The following SLC4A1 variants were observed in gnomAD, a reference collection of about 807,000 sequenced individuals.
The protein encoded by SLC4A1 is solute carrier family 4 member 1 (Diego blood group).
SLC4A1 carries 29 observed loss-of-function variants against 93.1 expected under a neutral mutation model. The ratio of observed to expected loss-of-function variants is 0.31; its 90% CI spans 0.23 to 0.42. The LOEUF is 0.42. SLC4A1 is among the 20% of genes least tolerant of loss of function. The pLI, the probability that SLC4A1 is intolerant of heterozygous loss-of-function variation, is 1.00. For missense variants in SLC4A1, 965 were observed against 1,190.1 expected (o/e 0.81, Z 2.78); for synonymous variants, 469 against 497.2 (o/e 0.94, Z 0.76).
At chr17:44,251,631 C>G in intron 17 of SLC4A1, 43 bp from the exon 18 acceptor site, 1 of 1,607,742 alleles carries the variant, frequency 6.2e-7, no homozygotes, top group Non-Finnish European at 8.5e-7. Context: ...TGCCCGAGGC[C>G]TGGCACCAGT....
chr17:44,262,452 C>T (rs1195620031), intron 3 of SLC4A1, among the ~76,000 whole-genome samples, 184 bp downstream of exon 3: 2 of 152,258 alleles, frequency 1.3e-5, no homozygotes, highest in African/African-American at 2.4e-5. Context: ...CCTGCTCTCC[C>T]AGCCACCTCC....
intron 4 of SLC4A1, 91 bp downstream of exon 4, chr17:44,261,484 C>T: frequency 6.2e-7 from 1 of 1,606,786 alleles, no homozygotes; most frequent in Non-Finnish European, 8.5e-7. Context: ...CAGCCTGAAG[C>T]TGCCTCTATC....
At chr17:44,261,939 G>C in intron 3 of SLC4A1, 2 of 1,157,938 alleles carry the variant, frequency 1.7e-6, no homozygotes, top group Non-Finnish European at 2.2e-6. Flanking sequence ...GGTGACGGCA[G>C]AGCCCTGAGT....
In SLC4A1 at chr17:44,248,858, T is replaced by TG. The variant is rs2047315754; in HGVS notation, c.*1599_*1600insC. ...GCTGATGTTTCCTTCCGTTTTTTTT[T>TG]TTTTTTTTTTTTTTTTTTTGAGACA... On this transcript the variant is annotated 3_prime_UTR_variant, in exon 20 of 20. Transcript: ENST00000262418. The TG allele has an allele frequency of 7.4e-6, 1 of 135,232 alleles. No individual in the cohort carries two copies. The highest frequency in any genetic ancestry group is 2.9e-5 in the African/African-American group (1 of 34,208). 8.4% of individuals were successfully genotyped at this position (135,232 alleles called of 1,614,324 possible).
At chr17:44,254,982 G>A (rs2047375863) in intron 15 of SLC4A1, among the ~76,000 whole-genome samples, 1 of 152,170 alleles carries the variant, frequency 6.6e-6, no homozygotes, top group Non-Finnish European at 1.5e-5. Context: ...ACTGCTCTGG[G>A]TTAAGGAATG....
At chr17:44,251,048 C>T (rs1444114410) in intron 19 of SLC4A1, 111 bp downstream of exon 19, 18 of 1,232,720 alleles carry the variant, frequency 1.5e-5, no homozygotes, top group Admixed American at 4.0e-5. Context: ...AACCTGGACA[C>T]CAGCCCTAGC....
chr17:44,258,066 A>C lies in SLC4A1; in HGVS notation c.1202T>G (p.Phe401Cys), dbSNP rs141751197. The C allele has an allele frequency of 1.2e-6, 2 of 1,614,032 alleles. No homozygotes were observed. The highest frequency in any genetic ancestry group is 8.5e-7 in the Non-Finnish European group (1 of 1,180,014). Reference sequence around the variant, plus strand: ...GACGGCAGCCAGGACCTGGGGGCTGAATGCATCTGTGATGTCACTCAGGTA... The same window carrying C: ...GACGGCAGCCAGGACCTGGGGGCTGCATGCATCTGTGATGTCACTCAGGTA... ...PYYLSDITDA[F>C]SPQVLAAVIF... Residue 401 changes from phenylalanine (F) to cysteine (C), a missense_variant, in exon 11 of 20, where the codon TTC becomes TGC. Transcript: ENST00000262418. The surrounding 1 kb of genome is among the most constrained non-coding windows in gnomAD (Gnocchi z 6.1).
At chr17:44,259,140 A>C (rs1233636098) in intron 9 of SLC4A1, 23 bp downstream of exon 9, 3 of 1,613,068 alleles carry the variant, frequency 1.9e-6, no homozygotes, top group Non-Finnish European at 2.5e-6. Flanking sequence ...TCCCCAGCCC[A>C]GCCCTCTCCG....
intron 9 of SLC4A1, among the ~76,000 whole-genome samples, 161 bp downstream of exon 9, chr17:44,259,002 C>T (rs1324913424): frequency 1.3e-5 from 2 of 152,182 alleles, no homozygotes; most frequent in South Asian, 2.1e-4. Context: ...CCAGACTGCA[C>T]GCCCCGACTG....
At chr17:44,261,752 C>T (rs1164840920) in intron 3 of SLC4A1, 116 bp from the exon 4 acceptor site, 1 of 1,569,744 alleles carries the variant, frequency 6.4e-7, no homozygotes, top group Non-Finnish European at 8.7e-7. Flanking sequence ...TTCCCAGTGC[C>T]CTGGGCTGGG....
intron 1 of SLC4A1, among the ~76,000 whole-genome samples, chr17:44,263,719 TTCC>T (rs2047470684): frequency 7.0e-6 from 1 of 143,672 alleles, no homozygotes; most frequent in Non-Finnish European, 1.5e-5. Flanking sequence ...CCTTCCTTCC[TTCC>T]TTCCTTCCTT....
intron 7 of SLC4A1, 46 bp downstream of exon 7, chr17:44,259,763 T>C: frequency 1.2e-6 from 2 of 1,613,450 alleles, no homozygotes; most frequent in Non-Finnish European, 1.7e-6. Context: ...GAAAGCTCTC[T>C]CCTTGCCCCA....
At chr17:44,262,761 G>T in intron 2 of SLC4A1, 35 bp from the exon 3 acceptor site, 1 of 1,608,982 alleles carries the variant, frequency 6.2e-7, no homozygotes, top group Non-Finnish European at 8.5e-7. Flanking sequence ...GGGCTGTGAG[G>T]GGCTCTTCCA....
At position 44,259,932 on chromosome 17, in the gene SLC4A1, G is replaced by T; in HGVS notation, c.486C>A (p.Ser162Arg). The change falls in exon 7 of 20, where the codon AGC becomes AGA. Residue 162 changes from serine (S) to arginine (R), a missense_variant and splice_region_variant. Coordinates refer to ENST00000262418, the MANE Select transcript of SLC4A1 (RefSeq NM_000342.4). ...CCAGGGCCTCCAGCTCTCCAGCGTGGCTGCAGGACGTACAGGGGACATGGG... is the reference window on the plus strand; with the variant it reads ...CCAGGGCCTCCAGCTCTCCAGCGTGTCTGCAGGACGTACAGGGGACATGGG... ...ELLRALLLKH[S>R]HAGELEALGG... 1 of 1,613,808 alleles carries T rather than the reference G, an allele frequency of 6.2e-7. No individual in the cohort carries two copies. Among genetic ancestry groups the T allele is most frequent in the East Asian group, 2.2e-5 (1 of 44,866 alleles).
intron 14 of SLC4A1, 56 bp downstream of exon 14, chr17:44,255,617 G>C (rs779748770): frequency 1.3e-6 from 2 of 1,554,148 alleles, no homozygotes; most frequent in South Asian, 2.2e-5. Context: ...GAGCGGGGGG[G>C]CTTTGGGCTG....
chr17:44,254,907 G>A (rs1290792091), intron 15 of SLC4A1, among the ~76,000 whole-genome samples: 2 of 152,190 alleles, frequency 1.3e-5, no homozygotes, highest in African/African-American at 4.8e-5. Context: ...ACATCACACA[G>A]CTATTTGATG....
chr17:44,254,435 A>G (rs1427276457), intron 16 of SLC4A1, 61 bp downstream of exon 16: 2 of 1,526,992 alleles, frequency 1.3e-6, no homozygotes, highest in East Asian at 4.6e-5. Flanking sequence ...GCCTGGGAGA[A>G]TGCCAGGGAA....
At chr17:44,252,662 C>T (rs958856507) in intron 17 of SLC4A1, among the ~76,000 whole-genome samples, 1 of 152,200 alleles carries the variant, frequency 6.6e-6, no homozygotes, top group East Asian at 1.9e-4. Context: ...CTTTCTTCTC[C>T]CCCACATCCC....
Position 44,257,749 on chromosome 17 carries a change from C to T in SLC4A1, c.1341G>A (p.Gln447=). 6.2e-7 allele frequency: 1 copy of T among 1,614,052 alleles called. No homozygotes were observed. Among genetic ancestry groups the T allele is most frequent in the Non-Finnish European group, 8.5e-7 (1 of 1,180,022 alleles). ...CCCCCAGCAGGGCGAAGAGAATGCC[C>T]TGCACTGCAGTGGAGATCAGCAGCT... is the stretch of plus-strand genomic sequence containing the variant. The part of the protein sequence containing the change: ...VSELLISTAV[Q]GILFALLGAQ... The change falls in exon 12 of 20, where the codon CAG becomes CAA. Residue 447 remains glutamine, a synonymous_variant. Coordinates refer to ENST00000262418, the MANE Select transcript of SLC4A1 (RefSeq NM_000342.4).
Sources: gnomAD v4.1 joint callset for allele counts (sites outside exome capture counted in the v4.1 genomes callset) on GRCh38, gnomAD v4.1.1 for gene constraint, Gnocchi (gnomAD v3.1) non-coding constraint, MANE v1.5 for transcripts, NCBI Gene and HGNC (gene_info 2026-07-23, HGNC 2026-07-21) for gene names.